CDKAL1: variants seen among roughly 807,000 people sequenced by gnomAD.
The protein encoded by CDKAL1 is CDKAL1 threonylcarbamoyladenosine tRNA methylthiotransferase.
Under a neutral mutation model 68.2 loss-of-function variants are expected in CDKAL1, and 32 were observed. The ratio of observed to expected loss-of-function variants is 0.47; its 90% CI spans 0.35 to 0.63. The LOEUF (loss-of-function observed/expected upper bound fraction) is 0.63, where lower values mean the gene tolerates loss of function less well. Among genes scored for constraint, CDKAL1 ranks in the 30% least tolerant of loss-of-function variants. The probability of loss-of-function intolerance (pLI) is 0.00; values close to 1 mark genes in which losing one functional copy is unlikely to be tolerated. For synonymous variants in CDKAL1, 234 were observed against 244.3 expected, an observed-to-expected ratio of 0.96 and a Z score of 0.39; for missense variants, 606 against 696.7, an observed-to-expected ratio of 0.87 and a Z score of 1.47.
intron 10 of CDKAL1, among the ~76,000 whole-genome samples, chr6:20,988,216 G>GTGTGTGTA (rs1226354759): frequency 6.6e-6 from 1 of 151,154 alleles, no homozygotes; most frequent in Non-Finnish European, 1.5e-5. Context: ...GTGTGTGTGT[G>GTGTGTGTA]TGTAGTGAGG....
chr6:20,779,876 T>C (rs918639534), intron 7 of CDKAL1, among the ~76,000 whole-genome samples: 22 of 152,108 alleles, frequency 1.4e-4, no homozygotes, highest in African/African-American at 4.3e-4. Context: ...TTTATAAATG[T>C]ATTTAAAATC....
intron 5 of CDKAL1, among the ~76,000 whole-genome samples, chr6:20,736,902 T>C (rs921962545): frequency 1.3e-5 from 2 of 152,168 alleles, no homozygotes; most frequent in Non-Finnish European, 2.9e-5. Context: ...GGAATGTCGA[T>C]GTCAAATGTA....
At chr6:20,955,338 T>G in intron 9 of CDKAL1, 81 bp from the exon 10 acceptor site, 1 of 1,367,782 alleles carries the variant, frequency 7.3e-7, no homozygotes, top group Non-Finnish European at 1.0e-6. Context: ...TGAGAAATAC[T>G]GCATTAAAAA....
intron 13 of CDKAL1, among the ~76,000 whole-genome samples, chr6:21,157,178 A>G (rs1382670592): frequency 1.3e-5 from 2 of 152,210 alleles, no homozygotes; most frequent in Non-Finnish European, 2.9e-5. Flanking sequence ...GCTCCTAGCC[A>G]GCAGTGTTAG....
chr6:21,180,426 A>G (rs993135886), intron 13 of CDKAL1, among the ~76,000 whole-genome samples: 2 of 151,252 alleles, frequency 1.3e-5, no homozygotes, highest in Non-Finnish European at 2.9e-5. Context: ...ACTGGAATAC[A>G]CCAGCAGGCT....
intron 15 of CDKAL1, among the ~76,000 whole-genome samples, chr6:21,226,535 A>G (rs1400045189): frequency 6.6e-6 from 1 of 152,214 alleles, no homozygotes; most frequent in Non-Finnish European, 1.5e-5. Flanking sequence ...TCTTTATTAT[A>G]ACAGGATAAA....
At chr6:21,075,220 A>ATTTTCTGAGAT in intron 12 of CDKAL1, among the ~76,000 whole-genome samples, 4 of 152,270 alleles carry the variant, frequency 2.6e-5, no homozygotes, top group African/African-American at 9.6e-5. Flanking sequence ...TATTTCTGCT[A>ATTTTCTGAGAT]ACAACAAGTC....
chr6:21,169,133 C>G (rs1385641396), intron 13 of CDKAL1, among the ~76,000 whole-genome samples: 1 of 152,056 alleles, frequency 6.6e-6, no homozygotes, highest in Non-Finnish European at 1.5e-5. Context: ...CTAAAATGGT[C>G]TACAAGTTGG....
intron 9 of CDKAL1, among the ~76,000 whole-genome samples, chr6:20,881,898 C>T (rs1328445048): frequency 1.3e-5 from 2 of 152,176 alleles, no homozygotes; most frequent in African/African-American, 2.4e-5. Context: ...AGTTACACCA[C>T]GTACCAAAAT....
At chr6:21,144,359 T>A (rs1435633126) in intron 13 of CDKAL1, among the ~76,000 whole-genome samples, 3 of 152,184 alleles carry the variant, frequency 2.0e-5, no homozygotes, top group African/African-American at 7.2e-5. Context: ...GTCACATAAA[T>A]GAACAACTGT....
At chr6:20,652,324 C>G (rs780000041) in intron 5 of CDKAL1, among the ~76,000 whole-genome samples, 2 of 152,122 alleles carry the variant, frequency 1.3e-5, no homozygotes, top group African/African-American at 2.4e-5. Context: ...GCCTCTTTTC[C>G]CTGCCCATTA....
chr6:20,693,378 A>G (rs971746774), intron 5 of CDKAL1, among the ~76,000 whole-genome samples: 1 of 152,218 alleles, frequency 6.6e-6, no homozygotes, highest in Non-Finnish European at 1.5e-5. Context: ...CAGTTGAAAT[A>G]AGATAATTCT....
intron 4 of CDKAL1, among the ~76,000 whole-genome samples, chr6:20,597,080 C>T (rs1352867395): frequency 6.6e-6 from 1 of 152,030 alleles, no homozygotes; most frequent in Non-Finnish European, 1.5e-5. Flanking sequence ...CAGAGCTGTT[C>T]CTATTTGGCC....
chr6:20,949,907 A>T (rs1764438774), intron 9 of CDKAL1, among the ~76,000 whole-genome samples: 1 of 152,028 alleles, frequency 6.6e-6, no homozygotes, highest in South Asian at 2.1e-4. Context: ...CACCTGTCTC[A>T]GCCTCCCAGG....
intron 10 of CDKAL1, among the ~76,000 whole-genome samples, chr6:20,966,111 A>G (rs1196260985): frequency 2.0e-5 from 3 of 152,178 alleles, no homozygotes; most frequent in Non-Finnish European, 4.4e-5. Context: ...GGGGGTAATG[A>G]AGTTAATGGT....
Position 21,053,632 on chromosome 6 carries a change from A to AT in CDKAL1, c.1056-11406dup, listed in dbSNP as rs199656082. ...CTCTATATGCTTACTAATATCTGTT[A>AT]TTTTTTTTTTCAGTCTTTTTGGTAC... On this transcript the variant is annotated intron_variant, in intron 11 of 15. Coordinates refer to ENST00000274695, the MANE Select transcript of CDKAL1 (RefSeq NM_017774.3). Among the ~76,000 whole-genome samples the AT allele has an allele frequency of 1.1e-3, 159 of 149,214 alleles. 2 individuals are homozygous for AT. The East Asian group carries it at 0.021, about 20-fold the overall frequency.
At chr6:20,642,040 T>C (rs879464487) in intron 4 of CDKAL1, among the ~76,000 whole-genome samples, 20 of 152,180 alleles carry the variant, frequency 1.3e-4, no homozygotes, top group Non-Finnish European at 2.6e-4. Flanking sequence ...ACTTAATATT[T>C]TCTATTTTGA....
At chr6:20,682,265 A>T (rs1342758364) in intron 5 of CDKAL1, among the ~76,000 whole-genome samples, 11 of 152,196 alleles carry the variant, frequency 7.2e-5, no homozygotes, top group Admixed American at 7.2e-4. Context: ...TGCCTAGATG[A>T]CATTTATTAA....
intron 8 of CDKAL1, among the ~76,000 whole-genome samples, chr6:20,842,692 G>A (rs1339630330): frequency 2.0e-5 from 3 of 152,070 alleles, no homozygotes; most frequent in South Asian, 2.1e-4. Flanking sequence ...TTAGCCAGGC[G>A]TAGTGGCAGG....
Sources: gnomAD v4.1 joint callset for allele counts (sites outside exome capture counted in the v4.1 genomes callset) on GRCh38, gnomAD v4.1.1 for gene constraint, MANE v1.5 for transcripts, NCBI Gene and HGNC (gene_info 2026-07-23, HGNC 2026-07-21) for gene names.